The following XIST variants were observed in gnomAD, a reference collection of about 807,000 sequenced individuals.
The protein encoded by XIST is X inactive specific transcript.
chrX:73,831,369 C>T (rs943857272), intron 3 of XIST: 13 of 431,787 alleles, frequency 3.0e-5, no homozygotes, highest in African/African-American at 2.5e-4. Flanking sequence ...CATATTTTTA[C>T]CCTTTTCTTC....
exon 6 of XIST, chrX:73,823,937 C>G (rs760291394): frequency 3.6e-6 from 2 of 555,085 alleles, no homozygotes. Context: ...AATCACCATT[C>G]AGTAAGCCAA....
In XIST at chrX:73,826,009, T is replaced by C. The variant is rs1189878237; in HGVS notation, n.13892A>G. The C allele has an allele frequency of 1.3e-5, 7 of 557,176 alleles. No homozygotes were observed. The Admixed American group carries it at 1.6e-4, about 12-fold the overall frequency. The allele number at this position is 557,176 out of a possible 1,213,427, so 45.9% of individuals were successfully genotyped here. ...CCACCAAATTATTTGGCCACTACTA[T>C]GAGCAGGGAGTTCAGGCTGTCCCCT... is the stretch of plus-strand genomic sequence containing the variant. On this transcript the variant is annotated non_coding_transcript_exon_variant, in exon 6 of 6. Coordinates refer to ENST00000429829, the Ensembl canonical transcript of XIST.
chrX:73,851,073 T>A lies in XIST; in HGVS notation n.1651A>T, dbSNP rs773740184. ...GAGTAGCTGGACAGTGTGTCATCAG[T>A]CTAATTCCATCTTCTGCTCTAATTG... On this transcript the variant is annotated non_coding_transcript_exon_variant, in exon 1 of 6. Coordinates refer to ENST00000429829, the Ensembl canonical transcript of XIST. 18 of 557,699 alleles carry A rather than the reference T, an allele frequency of 3.2e-5. No homozygotes were observed. In the Admixed American group the frequency reaches 3.6e-4, roughly 11 times the overall value. The allele number at this position is 557,699 out of a possible 1,213,427, so 46.0% of individuals were successfully genotyped here.
chrX:73,823,309 CTTT>C (rs375977945), exon 6 of XIST: 704 of 429,439 alleles, frequency 1.6e-3, no homozygotes, highest in Admixed American at 4.1e-3. Flanking sequence ...ATTTTTCTTT[CTTT>C]TTTTTTTTTT....
chrX:73,843,319 C>G (rs369665796), exon 1 of XIST: 1 of 556,477 alleles, frequency 1.8e-6, no homozygotes, highest in African/African-American at 2.2e-5. Flanking sequence ...ATGTAAGCAA[C>G]GAGGAAGCAG....
At position 73,826,495 on chromosome X, in the gene XIST, C is replaced by G. The variant is rs776439759; in HGVS notation, n.13406G>C. ...GCTGTGATTTAAAGCTGGCTCAAGA[C>G]TGGCCCAGGCATAATACTGTCAATC... On this transcript the variant is annotated non_coding_transcript_exon_variant, in exon 6 of 6. Transcript: ENST00000429829. 7.2e-6 allele frequency: 4 copies of G among 557,660 alleles called. No individual in the cohort carries two copies. The African/African-American group carries it at 8.9e-5, about 12-fold the overall frequency. The allele number at this position is 557,660 out of a possible 1,213,427, so 46.0% of individuals were successfully genotyped here. A position where few individuals can be genotyped will look rare whatever the true frequency, so the allele number is the denominator to read the frequency against.
chrX:73,843,311 G>A, exon 1 of XIST: 1 of 558,781 alleles, frequency 1.8e-6, no homozygotes, highest in Non-Finnish European at 3.2e-6. Flanking sequence ...TACCCCCGAT[G>A]TAAGCAACGA....
intron 5 of XIST, chrX:73,829,037 T>A (rs1603360847): frequency 3.7e-6 from 2 of 544,534 alleles, no homozygotes; most frequent in Non-Finnish European, 3.3e-6. Flanking sequence ...TCTGAAGTGA[T>A]CCTCACAGGA....
Position 73,825,255 on chromosome X carries a change from A to C in XIST, n.14646T>G, listed in dbSNP as rs745761891. ...TACTGCATTTTTACTCAAAATTACCAGAGCAGCAAACACAAATTGGCCTCA... is the reference window on the plus strand; with the variant it reads ...TACTGCATTTTTACTCAAAATTACCCGAGCAGCAAACACAAATTGGCCTCA... On this transcript the variant is annotated non_coding_transcript_exon_variant, in exon 6 of 6. Coordinates refer to ENST00000429829, the Ensembl canonical transcript of XIST. The C allele has an allele frequency of 2.5e-5, 14 of 557,656 alleles. No homozygotes were observed. The East Asian group carries it at 3.3e-4, about 13-fold the overall frequency. The allele number at this position is 557,656 out of a possible 1,213,427, so 46.0% of individuals were successfully genotyped here. A position where few individuals can be genotyped will look rare whatever the true frequency, so the allele number is the denominator to read the frequency against.
chrX:73,830,356 T>C (rs1252506987), intron 4 of XIST, among the ~76,000 whole-genome samples: 1 of 111,750 alleles, frequency 8.9e-6, no homozygotes. Flanking sequence ...CCCATGAAAA[T>C]ATTTCATGAA....
chrX:73,846,386 G>C, exon 1 of XIST: 2 of 557,341 alleles, frequency 3.6e-6, no homozygotes, highest in South Asian at 4.5e-5. Flanking sequence ...GGAAGGGAAA[G>C]GTGAGACTGA....
At chrX:73,848,631 G>A in exon 1 of XIST, 1 of 558,040 alleles carries the variant, frequency 1.8e-6, no homozygotes, top group African/African-American at 2.2e-5. Context: ...CAAATTAACT[G>A]TTCAAGAGCT....
chrX:73,843,455 G>A (rs764890610), exon 1 of XIST: 2 of 557,929 alleles, frequency 3.6e-6, no homozygotes, highest in Middle Eastern at 3.1e-4. Flanking sequence ...GGAACATAGG[G>A]TCTTTTTCTC....
chrX:73,848,811 T>C (rs1459351382), exon 1 of XIST: 1 of 556,957 alleles, frequency 1.8e-6, no homozygotes, highest in Non-Finnish European at 3.2e-6. Context: ...GAGGACATCC[T>C]AGACTAATGA....
At chrX:73,849,597 C>T (rs1166233250) in exon 1 of XIST, 1 of 558,312 alleles carries the variant, frequency 1.8e-6, no homozygotes, top group South Asian at 2.2e-5. Context: ...TTGACATTCC[C>T]TAACTTCAAC....
exon 6 of XIST, chrX:73,827,281 C>A: frequency 5.4e-6 from 3 of 558,334 alleles, no homozygotes; most frequent in Non-Finnish European, 9.7e-6. Context: ...GCCCCTCTGC[C>A]ACACATGACA....
At chrX:73,852,210 G>C (rs1013958469) in exon 1 of XIST, 6 of 545,910 alleles carry the variant, frequency 1.1e-5, no homozygotes, top group Middle Eastern at 3.2e-4. Flanking sequence ...TGGGGGTTCA[G>C]AGGGGAAGGG....
exon 1 of XIST, chrX:73,841,474 C>T (rs746854824): frequency 1.8e-6 from 1 of 557,868 alleles, no homozygotes. Context: ...TTTTGACATC[C>T]TTCTCCGAGA....
At chrX:73,834,469 C>G (rs1437442479) in intron 2 of XIST, among the ~76,000 whole-genome samples, 1 of 112,418 alleles carries the variant, frequency 8.9e-6, no homozygotes, top group Non-Finnish European at 1.9e-5. Context: ...CATTTTGGAA[C>G]TGGGAATCTA....
Sources: gnomAD v4.1 joint callset for allele counts (sites outside exome capture counted in the v4.1 genomes callset) on GRCh38, gnomAD v4.1.1 for gene constraint, MANE v1.5 for transcripts, NCBI Gene and HGNC (gene_info 2026-07-23, HGNC 2026-07-21) for gene names.